Variants in ARFGEF1 observed in about 807,000 individuals in gnomAD.
ARFGEF1 encodes the protein ARF guanine nucleotide exchange factor 1.
ARFGEF1 carries 42 observed loss-of-function variants against 231.0 expected under a neutral mutation model. The ratio of observed to expected loss-of-function variants is 0.18; its 90% CI spans 0.14 to 0.24. The LOEUF is 0.24. Ranked by LOEUF, ARFGEF1 falls within the 10% of genes least tolerant of loss-of-function variation. ARFGEF1 has a pLI of 1.00. For synonymous variants in ARFGEF1, 710 were observed against 732.3 expected (o/e 0.97, Z 0.49); for missense variants, 1,345 against 2,192.0 (o/e 0.61, Z 7.72).
At chr8:67,211,751 A>G (rs140733860) in intron 33 of ARFGEF1, 136 bp from the exon 34 acceptor site, 34 of 505,280 alleles carry the variant, frequency 6.7e-5, no homozygotes, top group African/African-American at 5.2e-4. Context: ...GTTATAACAC[A>G]ATCAGAAAAT....
downstream of ARFGEF1, chr8:67,193,598 T>C: frequency 1.2e-6 from 2 of 1,613,006 alleles, no homozygotes; most frequent in Non-Finnish European, 1.7e-6. Context: ...AACCTATTAA[T>C]ACAGGTAAAT....
intron 14 of ARFGEF1, among the ~76,000 whole-genome samples, chr8:67,260,247 C>T (rs1219649232): frequency 1.3e-5 from 2 of 152,128 alleles, no homozygotes; most frequent in African/African-American, 2.4e-5. Context: ...AGAGAGAATG[C>T]CATGTAGTAG....
At chr8:67,203,901 G>A (rs796462144) in intron 35 of ARFGEF1, among the ~76,000 whole-genome samples, 28 of 152,082 alleles carry the variant, frequency 1.8e-4, no homozygotes, top group African/African-American at 6.8e-4. Context: ...CGCCACATGG[G>A]AACTGTCTGG....
In ARFGEF1 at chr8:67,343,381, A is replaced by G. The variant is rs1332807728; in HGVS notation, c.-94T>C. 9.7e-6 allele frequency: 12 copies of G among 1,233,990 alleles called. No individual in the cohort carries two copies. Among genetic ancestry groups the G allele is most frequent in the Admixed American group, 6.6e-5 (3 of 45,528 alleles). The allele number at this position is 1,233,990 out of a possible 1,614,324, so 76.4% of individuals were successfully genotyped here. A position where few individuals can be genotyped will look rare whatever the true frequency, so the allele number is the denominator to read the frequency against. On this transcript the variant is annotated 5_prime_UTR_variant, in exon 1 of 39. Transcript: ENST00000262215. ...GAGGAAGGAAGAGAAGAGAGAAAGG[A>G]GAGGGGGTGGAGGTGGGGGATTGGA...
chr8:67,277,220 G>A, intron 8 of ARFGEF1, 62 bp downstream of exon 8: 2 of 1,515,984 alleles, frequency 1.3e-6, no homozygotes, highest in South Asian at 1.2e-5. Context: ...ACAAGGTGGT[G>A]GTAGCCTATA....
intron 1 of ARFGEF1, among the ~76,000 whole-genome samples, chr8:67,328,978 T>A (rs1486197902): frequency 6.6e-6 from 1 of 152,114 alleles, no homozygotes; most frequent in Non-Finnish European, 1.5e-5. Context: ...GTATAATCCC[T>A]GGACTTTGGA....
At chr8:67,279,200 T>C (rs1805435224) in intron 7 of ARFGEF1, among the ~76,000 whole-genome samples, 1 of 152,178 alleles carries the variant, frequency 6.6e-6, no homozygotes, top group Non-Finnish European at 1.5e-5. Context: ...TCCTATCTCA[T>C]TCCCCAGAGT....
chr8:67,331,505 A>C (rs1358526962), intron 1 of ARFGEF1, among the ~76,000 whole-genome samples: 1 of 152,232 alleles, frequency 6.6e-6, no homozygotes, highest in Non-Finnish European at 1.5e-5. Context: ...CAGCACCTTG[A>C]TCTTTGAATT....
At chr8:67,207,712 G>C (rs894710307) in intron 34 of ARFGEF1, among the ~76,000 whole-genome samples, 8 of 152,220 alleles carry the variant, frequency 5.3e-5, no homozygotes, top group Admixed American at 4.6e-4. Context: ...GAGTTGGAGA[G>C]TCAGATGCAG....
chr8:67,181,461 A>T (rs942284738), intron 5 of ARFGEF1, among the ~76,000 whole-genome samples: 9 of 150,900 alleles, frequency 6.0e-5, no homozygotes, highest in Non-Finnish European at 1.2e-4. Context: ...GGGAAATGAG[A>T]CCTTCCTTCC....
intron 1 of ARFGEF1, among the ~76,000 whole-genome samples, chr8:67,312,296 GACAAA>G (rs1412622622): frequency 7.2e-6 from 1 of 139,556 alleles, no homozygotes; most frequent in Non-Finnish European, 1.6e-5. Context: ...GAAAACTAAA[GACAAA>G]ACAATCTTGA....
chr8:67,294,925 A>G (rs1244123129), intron 5 of ARFGEF1, among the ~76,000 whole-genome samples: 1 of 152,138 alleles, frequency 6.6e-6, no homozygotes, highest in African/African-American at 2.4e-5. Context: ...CCAAGGCTGA[A>G]GCTGGGAAAA....
intron 34 of ARFGEF1, among the ~76,000 whole-genome samples, chr8:67,206,416 A>C (rs1427180459): frequency 6.6e-6 from 1 of 150,550 alleles, no homozygotes; most frequent in Non-Finnish European, 1.5e-5. Context: ...TCTTTAAAAA[A>C]AAAAAAAAAA....
rs777455330 is a variant in ARFGEF1 at position 67,267,356 on chromosome 8, C to T, written c.1659G>A (p.Thr553=). The T allele has an allele frequency of 8.1e-6, 13 of 1,608,978 alleles. No individual in the cohort carries two copies. The highest frequency in any genetic ancestry group is 2.2e-5 in the South Asian group (2 of 89,320). Residue 553 remains threonine, a synonymous_variant, in exon 11 of 39, where the codon ACG becomes ACA. Coordinates refer to ENST00000262215, the MANE Select transcript of ARFGEF1 (RefSeq NM_006421.5). ...AATTTAAAATACCTGCACAAATCCT[C>T]GTCAGTGTCTGAATAACCATCCATT... ...DHKWMVIQTL[T]RICADAQSVV...
intron 1 of ARFGEF1, among the ~76,000 whole-genome samples, chr8:67,318,997 T>C (rs1308874150): frequency 6.6e-6 from 1 of 152,078 alleles, no homozygotes; most frequent in Admixed American, 6.6e-5. Context: ...AAATTCACAA[T>C]AGCTCACCAC....
At chr8:67,218,207 A>AAAAAAAAAAT (rs1491555936) in intron 30 of ARFGEF1, 69 bp from the exon 31 acceptor site, 8 of 90,832 alleles carry the variant, frequency 8.8e-5, no homozygotes, top group Admixed American at 4.2e-4. Flanking sequence ...AAAAAAAAAA[A>AAAAAAAAAAT]ATATATATAT....
At chr8:67,267,017 A>G in intron 12 of ARFGEF1, 33 bp from the exon 13 acceptor site, 1 of 1,609,064 alleles carries the variant, frequency 6.2e-7, no homozygotes, top group Middle Eastern at 1.7e-4. Context: ...AATTTTTTTT[A>G]AAGGTCTTTT....
In ARFGEF1 at chr8:67,335,590, T is replaced by C. The variant is rs557971143; in HGVS notation, c.124+7574A>G. 2.5e-4 allele frequency among the ~76,000 whole-genome samples: 38 copies of C among 152,340 alleles called. No homozygotes were observed. The South Asian group carries it at 7.0e-3, about 28-fold the overall frequency. ...TCAAAATATGTACTTTGACTGCTTA[T>C]ATTTTTATTATTTCTTAGCAAAGTT... On this transcript the variant is annotated intron_variant, in intron 1 of 38. Transcript: ENST00000262215.
chr8:67,271,045 G>GAAAAAAA (rs1563878469), intron 10 of ARFGEF1, among the ~76,000 whole-genome samples: 30 of 69,600 alleles, frequency 4.3e-4, no homozygotes, highest in Non-Finnish European at 6.9e-4. Flanking sequence ...AAAAAAAAAG[G>GAAAAAAA]AAAAAGAAAA....
Sources: allele counts gnomAD v4.1 joint callset (sites outside exome capture counted in the v4.1 genomes callset), GRCh38; gene constraint gnomAD v4.1.1; transcripts MANE v1.5; gene names NCBI Gene and HGNC (gene_info 2026-07-23, HGNC 2026-07-21).